Variants in NFIA observed in about 807,000 individuals in gnomAD.
NFIA encodes nuclear factor 1 A-type.
Under a neutral mutation model 62.8 loss-of-function variants are expected in NFIA, and 8 were observed. The ratio of observed to expected loss-of-function variants is 0.13; its 90% confidence interval spans 0.07 to 0.23. NFIA has a LOEUF of 0.23. Ranked by LOEUF, NFIA falls within the 10% of genes least tolerant of loss-of-function variation. The pLI is 1.00. For missense variants in NFIA, 410 were observed against 642.1 expected (o/e 0.64, Z 3.91); for synonymous variants, 235 against 238.1 (o/e 0.99, Z 0.12).
intron 2 of NFIA, among the ~76,000 whole-genome samples, chr1:61,176,652 A>C (rs12091742): frequency 0.016 from 2,478 of 151,492 alleles, 37 homozygotes; most frequent in East Asian, 0.091. Context: ...AACTACATAG[A>C]TGAATACTAC....
chr1:61,369,257 C>G (rs1663760003), intron 6 of NFIA, among the ~76,000 whole-genome samples: 1 of 152,148 alleles, frequency 6.6e-6, no homozygotes, highest in African/African-American at 2.4e-5. Flanking sequence ...GGACCCAAAT[C>G]TCCCCTGCCT....
At chr1:61,240,448 T>C (rs1178058031) in intron 2 of NFIA, among the ~76,000 whole-genome samples, 1 of 152,102 alleles carries the variant, frequency 6.6e-6, no homozygotes, top group East Asian at 1.9e-4. Context: ...ACCGTATTTA[T>C]GATTTAACTA....
At chr1:61,124,126 G>A (rs1646931204) in intron 2 of NFIA, among the ~76,000 whole-genome samples, 1 of 152,202 alleles carries the variant, frequency 6.6e-6, no homozygotes, top group Non-Finnish European at 1.5e-5. Flanking sequence ...GTGTGGAAGA[G>A]GAGAGAGAGG....
In NFIA at chr1:61,410,354, A is replaced by G. The variant is rs56383574; in HGVS notation, c.1420+3627A>G. Reference sequence around the variant, plus strand: ...CTAGATAAAAATGTAGGGCAAAACTATAGTTTCAGAAATCAGGTGCTTTCT... The same window carrying G: ...CTAGATAAAAATGTAGGGCAAAACTGTAGTTTCAGAAATCAGGTGCTTTCT... On this transcript the variant is annotated intron_variant, in intron 9 of 10. Transcript: ENST00000403491. 8.5e-5 allele frequency among the ~76,000 whole-genome samples: 13 copies of G among 152,314 alleles called. No homozygotes were observed. The East Asian group carries it at 2.1e-3, about 25-fold the overall frequency.
chr1:61,256,799 C>A (rs191252370), intron 2 of NFIA, among the ~76,000 whole-genome samples: 1 of 152,112 alleles, frequency 6.6e-6, no homozygotes, highest in East Asian at 1.9e-4. Context: ...ATCCTTGTAT[C>A]ATTTATTTAG....
At chr1:61,114,697 A>T (rs531380172) in intron 2 of NFIA, among the ~76,000 whole-genome samples, 2 of 152,226 alleles carry the variant, frequency 1.3e-5, no homozygotes, top group African/African-American at 4.8e-5. Flanking sequence ...TTTTCTTCTT[A>T]TCTTTTAATG....
chr1:61,239,678 T>C (rs1655219834), intron 2 of NFIA, among the ~76,000 whole-genome samples: 1 of 152,156 alleles, frequency 6.6e-6, no homozygotes, highest in Admixed American at 6.5e-5. Context: ...AAACAGCATC[T>C]TATAGAGGAG....
At position 61,088,431 on chromosome 1, in the gene NFIA, G is replaced by A; in HGVS notation, c.310G>A (p.Val104Ile). Residue 104 changes from valine (V) to isoleucine (I), a missense_variant, in exon 2 of 11, where the codon GTT becomes ATT. Physicochemically the swap from Val to Ile is conservative, Grantham distance 29. Coordinates refer to ENST00000403491, the MANE Select transcript of NFIA (RefSeq NM_001134673.4). This position sits in a 1 kb window ranked among gnomAD's most constrained non-coding sequence, Gnocchi z 4.5. ...TVTGKKPPCC[V>I]LSNPDQKGKM... is the part of the protein sequence containing the mutation. ...TACAGGGAAAAAACCTCCATGTTGT[G>A]TTCTTTCCAACCCAGACCAGAAAGG... is the stretch of plus-strand genomic sequence containing the variant. The A allele has an allele frequency of 1.2e-6, 2 of 1,614,026 alleles. No individual in the cohort carries two copies. Among genetic ancestry groups the A allele is most frequent in the South Asian group, 2.2e-5 (2 of 91,080 alleles).
At chr1:61,300,891 G>A (rs908367342) in intron 3 of NFIA, among the ~76,000 whole-genome samples, 1 of 151,810 alleles carries the variant, frequency 6.6e-6, no homozygotes, top group African/African-American at 2.4e-5. Context: ...ATGAGAATTA[G>A]GAAATACATA....
At chr1:61,232,897 T>C (rs567415915) in intron 2 of NFIA, among the ~76,000 whole-genome samples, 32 of 152,296 alleles carry the variant, frequency 2.1e-4, no homozygotes, top group Non-Finnish European at 4.3e-4. Flanking sequence ...TTTTCACTCA[T>C]TGCTCATAAA....
At chr1:61,333,072 C>CACAT (rs1308519061) in intron 4 of NFIA, among the ~76,000 whole-genome samples, 2 of 144,880 alleles carry the variant, frequency 1.4e-5, no homozygotes, top group Non-Finnish European at 3.1e-5. Flanking sequence ...CACACATACA[C>CACAT]ACACACACAC....
chr1:61,130,212 C>A (rs921213844), intron 2 of NFIA, among the ~76,000 whole-genome samples: 1 of 152,048 alleles, frequency 6.6e-6, no homozygotes, highest in African/African-American at 2.4e-5. Context: ...GAGAAAAAAA[C>A]CAGGCTGTTT....
chr1:61,277,718 C>G, intron 3 of NFIA, 133 bp downstream of exon 3: 2 of 809,532 alleles, frequency 2.5e-6, no homozygotes, highest in South Asian at 3.3e-5. Flanking sequence ...CTCGGAAAAA[C>G]TCAAGTAGAT....
chr1:61,180,318 G>GCT (rs1650676334), intron 2 of NFIA, among the ~76,000 whole-genome samples: 1 of 152,168 alleles, frequency 6.6e-6, no homozygotes, highest in Admixed American at 6.5e-5. Context: ...CCATCACTAT[G>GCT]GAGCCTCTTT....
At chr1:61,291,612 A>G (rs1272289469) in intron 3 of NFIA, among the ~76,000 whole-genome samples, 3 of 152,232 alleles carry the variant, frequency 2.0e-5, no homozygotes, top group African/African-American at 7.2e-5. Context: ...GTTCATGATC[A>G]ATAGCAAGTG....
chr1:61,082,368 C>T (rs1458161358), upstream of NFIA: 6 of 542,938 alleles, frequency 1.1e-5, no homozygotes, highest in South Asian at 1.5e-4. Flanking sequence ...CTCCCCCACA[C>T]CCCCTCCCCC....
chr1:61,146,295 T>C (rs1170270792), intron 2 of NFIA, among the ~76,000 whole-genome samples: 1 of 152,162 alleles, frequency 6.6e-6, no homozygotes, highest in Non-Finnish European at 1.5e-5. Context: ...GAGTCCCTTT[T>C]GTTGTATTCA....
At chr1:61,222,488 C>G (rs1654079867) in intron 2 of NFIA, among the ~76,000 whole-genome samples, 1 of 151,978 alleles carries the variant, frequency 6.6e-6, no homozygotes, top group Middle Eastern at 3.2e-3. Flanking sequence ...TGAATGTTAC[C>G]AGGAGTTTAA....
chr1:61,331,190 G>A (rs935237375), intron 3 of NFIA, among the ~76,000 whole-genome samples: 1 of 151,944 alleles, frequency 6.6e-6, no homozygotes, highest in African/African-American at 2.4e-5. Context: ...CCTAAAACTT[G>A]GAACTGTTTC....
Sources: allele counts gnomAD v4.1 joint callset (sites outside exome capture counted in the v4.1 genomes callset), GRCh38; gene constraint gnomAD v4.1.1; non-coding constraint Gnocchi (gnomAD v3.1); transcripts MANE v1.5; gene names NCBI Gene and HGNC (gene_info 2026-07-23, HGNC 2026-07-21).